RUNX1T1: variants seen among roughly 807,000 people sequenced by gnomAD.
RUNX1T1 encodes RUNX1 partner transcriptional co-repressor 1.
RUNX1T1 carries 4 observed loss-of-function variants against 62.8 expected under a neutral mutation model. That is an observed-to-expected ratio of 0.06 (90% CI 0.03 to 0.15). The LOEUF (loss-of-function observed/expected upper bound fraction) is 0.15, where lower values mean the gene tolerates loss of function less well. Ranked by LOEUF, RUNX1T1 falls within the 10% of genes least tolerant of loss-of-function variation. RUNX1T1 has a pLI of 1.00. For synonymous variants in RUNX1T1, 291 were observed against 286.0 expected (o/e 1.02, Z -0.18); for missense variants, 508 against 754.3 (o/e 0.67, Z 3.82).
At chr8:92,008,667 C>T (rs1201913124) in intron 4 of RUNX1T1, among the ~76,000 whole-genome samples, 1 of 152,078 alleles carries the variant, frequency 6.6e-6, no homozygotes, top group Admixed American at 6.6e-5. Flanking sequence ...TTTGGCAAAG[C>T]ATTCGCTGGC....
rs112727441 is a variant in RUNX1T1 at position 91,979,706 on chromosome 8, G to GT, written c.1199-3734dup. ...CCAGGTCAGAGTGACAGAAAATGGTGTAAGAAATGTGAAAGAACAGAAAGA... is the reference window on the plus strand; with the variant it reads ...CCAGGTCAGAGTGACAGAAAATGGTGTTAAGAAATGTGAAAGAACAGAAAGA... On this transcript the variant is annotated intron_variant, in intron 8 of 10. Transcript: ENST00000396218. The GT allele has an allele frequency of 5.3e-3, 2,005 of 378,722 alleles. 32 individuals carry two copies. The highest frequency in any genetic ancestry group is 0.037 in the African/African-American group (1,799 of 48,008). 23.5% of individuals were successfully genotyped at this position (378,722 alleles called of 1,614,324 possible).
intron 1 of RUNX1T1, among the ~76,000 whole-genome samples, chr8:92,051,336 A>C (rs1489252545): frequency 2.0e-5 from 3 of 152,152 alleles, no homozygotes; most frequent in Non-Finnish European, 4.4e-5. Context: ...AAAAGTGTTC[A>C]ATCTATAGGA....
Position 92,076,154 on chromosome 8 carries a change from A to AG in RUNX1T1, c.-85-18dup. 6.7e-7 allele frequency: 1 copy of AG among 1,498,390 alleles called. No homozygotes were observed. Among genetic ancestry groups the AG allele is most frequent in the South Asian group, 1.4e-5 (1 of 73,004 alleles). 92.8% of individuals were successfully genotyped at this position (1,498,390 alleles called of 1,614,324 possible). On this transcript the variant is annotated splice_polypyrimidine_tract_variant and intron_variant, in intron 1 of 11. Coordinates refer to the RUNX1T1 transcript ENST00000265814. The stretch of plus-strand genomic sequence containing the variant: ...CAATCTTTTCTATTGACAACAACAA[A>AG]GGGAAAAAAAATGCATATATCACAA...
chr8:92,035,340 A>T (rs1827216459), intron 1 of RUNX1T1, among the ~76,000 whole-genome samples: 1 of 139,344 alleles, frequency 7.2e-6, no homozygotes, highest in Non-Finnish European at 1.6e-5. Flanking sequence ...ATCCCACTGG[A>T]GACTCCAAAA....
chr8:92,025,323 T>C (rs1824934821), intron 1 of RUNX1T1, among the ~76,000 whole-genome samples: 1 of 152,170 alleles, frequency 6.6e-6, no homozygotes, highest in African/African-American at 2.4e-5. Context: ...TAGAAAGACC[T>C]TTGTGACCCA....
At chr8:91,989,033 G>A (rs2920467) in intron 6 of RUNX1T1, among the ~76,000 whole-genome samples, 38,097 of 151,870 alleles carry the variant, frequency 0.25, 5,250 homozygotes, top group African/African-American at 0.37. Context: ...GAAATATCTC[G>A]TAATCATTAA....
At chr8:91,959,453 T>C (rs59191549) in exon 11 of RUNX1T1, 24,198 of 133,542 alleles carry the variant, frequency 0.18, 2,495 homozygotes, top group African/African-American at 0.4. Flanking sequence ...TGTGTGTGTG[T>C]GTGTGTGTGT....
At chr8:92,078,301 T>C (rs556054449) in intron 1 of RUNX1T1, among the ~76,000 whole-genome samples, 2 of 152,132 alleles carry the variant, frequency 1.3e-5, no homozygotes, top group African/African-American at 4.8e-5. Context: ...CCTTCCAATA[T>C]GAAATAATAA....
chr8:92,101,527 G>A (rs770982543), upstream of RUNX1T1, among the ~76,000 whole-genome samples: 5 of 152,078 alleles, frequency 3.3e-5, no homozygotes, highest in Non-Finnish European at 7.4e-5. Flanking sequence ...AGGGCACGGT[G>A]GAATTTGTGG....
chr8:92,072,372 G>A (rs895725604), intron 2 of RUNX1T1, among the ~76,000 whole-genome samples: 3 of 152,092 alleles, frequency 2.0e-5, no homozygotes, highest in Admixed American at 1.3e-4. Context: ...TATTTTGTGT[G>A]TGCAAAGTCA....
At position 91,991,057 on chromosome 8, in the gene RUNX1T1, T is replaced by A. The variant is rs145740950; in HGVS notation, c.910+582A>T. 8.2e-3 allele frequency among the ~76,000 whole-genome samples: 1,248 copies of A among 152,302 alleles called. 20 individuals are homozygous for A. Among genetic ancestry groups the A allele is most frequent in the African/African-American group, 0.028 (1,176 of 41,550 alleles). ...ATTCACTTCTTCTTCAGTATTCTGA[T>A]CCTTGACCCAAAACTGTCAATATTA... On this transcript the variant is annotated intron_variant, in intron 6 of 10. Transcript: ENST00000396218.
In RUNX1T1 at chr8:92,079,183, T is replaced by G. The variant is rs1053147647; in HGVS notation, c.-85-3046A>C. 2.0e-5 allele frequency among the ~76,000 whole-genome samples: 3 copies of G among 152,252 alleles called. 1 individual carries two copies. Among genetic ancestry groups the G allele is most frequent in the Admixed American group, 2.0e-4 (3 of 15,282 alleles). On this transcript the variant is annotated intron_variant, in intron 1 of 11. Transcript: ENST00000265814. ...GAGCATTTAAACACACCTCTTTTTA[T>G]CTATCAACCTGGGTTGAATCAAACC...
intron 1 of RUNX1T1, chr8:92,095,372 CGGCCGCGGCCGAGGCGGCACCCA>C: frequency 6.5e-7 from 1 of 1,535,366 alleles, no homozygotes; most frequent in Non-Finnish European, 8.7e-7. Context: ...CGCGGGAGAG[CGGCCGCGGCCGAGGCGGCACCCA>C]GACCGCGGCT....
chr8:92,091,650 T>C (rs1212476327), intron 1 of RUNX1T1, among the ~76,000 whole-genome samples: 1 of 152,164 alleles, frequency 6.6e-6, no homozygotes, highest in Non-Finnish European at 1.5e-5. Flanking sequence ...CAGCATCTTT[T>C]CTTAAAAGTG....
chr8:92,005,064 C>T, intron 5 of RUNX1T1, 52 bp downstream of exon 6: 1 of 1,464,220 alleles, frequency 6.8e-7, no homozygotes, highest in Non-Finnish European at 9.2e-7. Context: ...TTCCTCATGC[C>T]ACAGGTATGG....
chr8:91,965,256 C>T (rs2920470), intron 10 of RUNX1T1, among the ~76,000 whole-genome samples: 120,464 of 152,158 alleles, frequency 0.79, 47,777 homozygotes, highest in East Asian at 0.99. Flanking sequence ...TAATTTCTTC[C>T]GCAACTTCAT....
intron 1 of RUNX1T1, among the ~76,000 whole-genome samples, chr8:92,043,968 A>T (rs1828929136): frequency 6.7e-6 from 1 of 148,782 alleles, no homozygotes; most frequent in African/African-American, 2.5e-5. Context: ...ACAAGAGTGA[A>T]ACTCCGTCTC....
intron 1 of RUNX1T1, among the ~76,000 whole-genome samples, chr8:92,098,851 A>G (rs1837909143): frequency 1.3e-5 from 2 of 152,198 alleles, no homozygotes. Flanking sequence ...CCTTCTGTTT[A>G]AACAACACAG....
upstream of RUNX1T1, among the ~76,000 whole-genome samples, chr8:92,065,227 A>G (rs530607483): frequency 8.8e-4 from 134 of 152,358 alleles, no homozygotes; most frequent in African/African-American, 3.1e-3. Context: ...GATCTCTAAC[A>G]TCCAAATTGT....
Sources: gnomAD v4.1 joint callset for allele counts (sites outside exome capture counted in the v4.1 genomes callset) on GRCh38, gnomAD v4.1.1 for gene constraint, MANE v1.5 for transcripts, NCBI Gene and HGNC (gene_info 2026-07-23, HGNC 2026-07-21) for gene names.